The following IQGAP3 variants were observed in gnomAD, a reference collection of about 807,000 sequenced individuals.
The protein encoded by IQGAP3 is ras GTPase-activating-like protein IQGAP3.
In IQGAP3, 165 loss-of-function variants were observed where a neutral mutation model predicts 208.2. That is an observed-to-expected ratio of 0.79 (90% CI 0.70 to 0.90). IQGAP3 has a LOEUF of 0.90. Ranked by LOEUF, IQGAP3 falls within the 40% of genes least tolerant of loss-of-function variation. The pLI is 0.00. For synonymous variants in IQGAP3, 703 were observed against 803.6 expected (o/e 0.87, Z 2.12); for missense variants, 1,811 against 2,043.1 (o/e 0.89, Z 2.19).
Position 156,534,623 on chromosome 1 carries a change from G to A in IQGAP3, c.3618C>T (p.Arg1206=). 2 of 1,612,236 alleles carry A rather than the reference G, an allele frequency of 1.2e-6. No homozygotes were observed. Among genetic ancestry groups the A allele is most frequent in the Non-Finnish European group, 1.7e-6 (2 of 1,179,764 alleles). Residue 1206 remains arginine, a synonymous_variant, in exon 29 of 38, where the codon CGC becomes CGT. Coordinates refer to ENST00000361170, the MANE Select transcript of IQGAP3 (RefSeq NM_178229.5). The part of the protein sequence containing the change: ...AAGGALAAPQ[R]HALGAVAQLL... ...GCTGAGCCACAGCCCCCAGGGCATG[G>A]CGCTGGGGGGCAGCCAGGGCTCCAC...
Position 156,537,333 on chromosome 1 carries a change from G to A in IQGAP3, c.3282-12C>T. 6.2e-7 allele frequency: 1 copy of A among 1,607,110 alleles called. No individual in the cohort carries two copies. The highest frequency in any genetic ancestry group is 8.5e-7 in the Non-Finnish European group (1 of 1,176,412). ...CATATGGGAGATGGCTATGAGCAGAGAGAGACAAGGTGTAAGCAGGAGCCC... is the reference window on the plus strand; with the variant it reads ...CATATGGGAGATGGCTATGAGCAGAAAGAGACAAGGTGTAAGCAGGAGCCC... On this transcript the variant is annotated splice_polypyrimidine_tract_variant and intron_variant, in intron 26 of 37. Coordinates refer to ENST00000361170, the MANE Select transcript of IQGAP3 (RefSeq NM_178229.5).
chr1:156,547,388 G>GACACAC (rs61344699), intron 19 of IQGAP3, among the ~76,000 whole-genome samples: 31,413 of 147,194 alleles, frequency 0.21, 3,515 homozygotes, highest in East Asian at 0.31. Context: ...CAGACACACA[G>GACACAC]ACACACACAC....
intron 16 of IQGAP3, among the ~76,000 whole-genome samples, chr1:156,549,630 C>T (rs1490155143): frequency 1.3e-5 from 2 of 151,924 alleles, no homozygotes; most frequent in Admixed American, 1.3e-4. Context: ...AGAGTAAGAC[C>T]CTGTCTTAAA....
chr1:156,556,826 G>A, intron 11 of IQGAP3, 133 bp from the exon 12 acceptor site: 1 of 815,702 alleles, frequency 1.2e-6, no homozygotes, highest in Non-Finnish European at 1.8e-6. Context: ...AATCTGCTAG[G>A]TTTAAAATGC....
At chr1:156,531,604 T>TTA (rs1352134461) in intron 32 of IQGAP3, among the ~76,000 whole-genome samples, 3 of 70,438 alleles carry the variant, frequency 4.3e-5, no homozygotes, top group Non-Finnish European at 7.6e-5. Flanking sequence ...AGCTCACTTG[T>TTA]TTTTTTTTTT....
chr1:156,549,031 C>A (rs1015024349), intron 16 of IQGAP3, among the ~76,000 whole-genome samples: 1 of 152,170 alleles, frequency 6.6e-6, no homozygotes, highest in Non-Finnish European at 1.5e-5. Context: ...TCAGCTTGAA[C>A]AGAAGCATAA....
intron 26 of IQGAP3, among the ~76,000 whole-genome samples, chr1:156,537,938 C>G (rs1674777999): frequency 6.6e-6 from 1 of 151,416 alleles, no homozygotes; most frequent in African/African-American, 2.4e-5. Context: ...ACTCTGTTGC[C>G]TAGAGCTGGA....
chr1:156,572,424 C>G, intron 1 of IQGAP3, 69 bp downstream of exon 1: 1 of 1,518,508 alleles, frequency 6.6e-7, no homozygotes, highest in East Asian at 2.2e-5. Context: ...CCCAATCTCT[C>G]CCGGGACAGC....
chr1:156,535,630 C>A (rs978348883), intron 27 of IQGAP3, among the ~76,000 whole-genome samples: 2 of 152,194 alleles, frequency 1.3e-5, no homozygotes, highest in Admixed American at 6.5e-5. Flanking sequence ...GTATCTGACA[C>A]TCACAGCCAA....
At chr1:156,538,068 T>C (rs912627533) in intron 26 of IQGAP3, among the ~76,000 whole-genome samples, 2 of 151,974 alleles carry the variant, frequency 1.3e-5, no homozygotes, top group Admixed American at 6.6e-5. Context: ...ATTTTTGTAT[T>C]TTTTATTTTT....
chr1:156,526,451 G>T lies in IQGAP3; in HGVS notation c.*35C>A. 1 of 1,318,642 alleles carries T rather than the reference G, an allele frequency of 7.6e-7. No homozygotes were observed. The highest frequency in any genetic ancestry group is 1.1e-6 in the Non-Finnish European group (1 of 910,950). 81.7% of individuals were successfully genotyped at this position (1,318,642 alleles called of 1,614,324 possible). On this transcript the variant is annotated 3_prime_UTR_variant, in exon 38 of 38. Coordinates refer to ENST00000361170, the MANE Select transcript of IQGAP3 (RefSeq NM_178229.5). ...TAGTGTTAAAGAAAGCATCCAGAGA[G>T]GTAAGAGGGGCTTGGGTAGCACCCT...
At position 156,540,926 on chromosome 1, in the gene IQGAP3, A is replaced by G. The variant is rs780404891; in HGVS notation, c.2531-10T>C. 4.6e-5 allele frequency: 74 copies of G among 1,610,758 alleles called. No individual in the cohort carries two copies. Among genetic ancestry groups the G allele is most frequent in the Non-Finnish European group, 6.2e-5 (73 of 1,177,716 alleles). ...GGGTGGGGTGCATGCACTGGGAGGAAGGGAGGAGGCATCAGGATTAGCCAT... is the reference window on the plus strand; with the variant it reads ...GGGTGGGGTGCATGCACTGGGAGGAGGGGAGGAGGCATCAGGATTAGCCAT... On this transcript the variant is annotated splice_polypyrimidine_tract_variant and intron_variant, in intron 22 of 37. Coordinates refer to ENST00000361170, the MANE Select transcript of IQGAP3 (RefSeq NM_178229.5).
intron 16 of IQGAP3, among the ~76,000 whole-genome samples, chr1:156,549,181 C>A (rs772986450): frequency 6.6e-5 from 10 of 152,102 alleles, no homozygotes; most frequent in Non-Finnish European, 1.2e-4. Flanking sequence ...CAAAAATTGG[C>A]CAGGCACTGT....
rs2102349779 is a variant in IQGAP3 at position 156,529,038 on chromosome 1, C to T, written c.4449G>A (p.Glu1483=). Residue 1483 remains glutamate, a synonymous_variant, in exon 35 of 38, where the codon GAG becomes GAA. Transcript: ENST00000361170. ...QHRHRHRRKA[E]LVKLQATLQG... is the part of the protein sequence containing the mutation. ...GTAATGTGGCCTGCAGCTTCACCAGCTCTGCCTTCCGCCTGTGCCTGTGTC... is the reference window on the plus strand; with the variant it reads ...GTAATGTGGCCTGCAGCTTCACCAGTTCTGCCTTCCGCCTGTGCCTGTGTC... 1 of 1,614,236 alleles carries T rather than the reference C, an allele frequency of 6.2e-7. No individual in the cohort carries two copies. The highest frequency in any genetic ancestry group is 8.5e-7 in the Non-Finnish European group (1 of 1,180,046).
chr1:156,534,429 TG>T, intron 29 of IQGAP3, 71 bp downstream of exon 29: 1 of 1,181,728 alleles, frequency 8.5e-7, no homozygotes, highest in Non-Finnish European at 1.2e-6. Context: ...TCATGGATTC[TG>T]GAGGGGACAA....
rs770682706 is a variant in IQGAP3, at chr1:156,560,951, C to A, written c.1112G>T (p.Gly371Val). 3 of 1,613,602 alleles carry A rather than the reference C, an allele frequency of 1.9e-6. No homozygotes were observed. ...QAGVAAANTK[G>V]DQEQAMLHAV... is the part of the protein sequence containing the mutation. ...TGACTTACTGGCTTGTTCCTGATCA[C>A]CCTTTGTGTTGGCTGCAGCCACACC... The change falls in exon 11 of 38, where the codon GGT (glycine) becomes GTT (valine). Residue 371 changes from glycine (G) to valine (V), a missense_variant. Coordinates refer to ENST00000361170, the MANE Select transcript of IQGAP3 (RefSeq NM_178229.5).
chr1:156,544,767 T>C (rs1167460528), intron 19 of IQGAP3, among the ~76,000 whole-genome samples: 1 of 151,824 alleles, frequency 6.6e-6, no homozygotes, highest in Non-Finnish European at 1.5e-5. Flanking sequence ...AACTATAAGA[T>C]ACAGTCCTAA....
In IQGAP3 at chr1:156,526,465, G is replaced by T. The variant is rs753932609; in HGVS notation, c.*21C>A. On this transcript the variant is annotated 3_prime_UTR_variant, in exon 38 of 38. Coordinates refer to ENST00000361170, the MANE Select transcript of IQGAP3 (RefSeq NM_178229.5). ...GCATCCAGAGAGGTAAGAGGGGCTT[G>T]GGTAGCACCCTTTGCCTCTGTCACT... 1 of 1,469,536 alleles carries T rather than the reference G, an allele frequency of 6.8e-7. No individual in the cohort carries two copies. The highest frequency in any genetic ancestry group is 9.5e-7 in the Non-Finnish European group (1 of 1,048,304). 91.0% of individuals were successfully genotyped at this position (1,469,536 alleles called of 1,614,324 possible).
At chr1:156,531,606 T>TG (rs1390585898) in intron 32 of IQGAP3, among the ~76,000 whole-genome samples, 4 of 148,986 alleles carry the variant, frequency 2.7e-5, no homozygotes, top group Non-Finnish European at 6.0e-5. Context: ...CTCACTTGTT[T>TG]TTTTTTTTTT....
Sources: allele counts gnomAD v4.1 joint callset (sites outside exome capture counted in the v4.1 genomes callset), GRCh38; gene constraint gnomAD v4.1.1; transcripts MANE v1.5; gene names NCBI Gene and HGNC (gene_info 2026-07-23, HGNC 2026-07-21).